The following ZBED6 variants were observed in gnomAD, a reference collection of about 807,000 sequenced individuals.
ZBED6 encodes the protein zinc finger BED-type containing 6, also known as zinc finger BED domain-containing protein 6.
ZBED6 carries 40 observed loss-of-function variants against 58.4 expected under a neutral mutation model. The observed-to-expected ratio is 0.68, with a 90% CI of 0.53 to 0.89. ZBED6 has a LOEUF of 0.89. Among genes scored for constraint, ZBED6 ranks in the 40% least tolerant of loss-of-function variants. The pLI is 0.00. For synonymous variants in ZBED6, 439 were observed against 350.6 expected, an observed-to-expected ratio of 1.25 and a Z score of -2.82; for missense variants, 1,057 against 1,003.9, an observed-to-expected ratio of 1.05 and a Z score of -0.71.
At chr1:203,798,609 C>G in exon 1 of ZBED6, 1 of 1,536,128 alleles carries the variant, frequency 6.5e-7, no homozygotes, top group South Asian at 1.2e-5. Context: ...AGCTGAGGAC[C>G]TTAGTGACTC....
chr1:203,811,814 GTCTTTT>G (rs1674583499), intron 1 of ZBED6, among the ~76,000 whole-genome samples: 1 of 148,294 alleles, frequency 6.7e-6, no homozygotes, highest in African/African-American at 2.5e-5. Context: ...AGATAGCTTT[GTCTTTT>G]TCTTTTTTTT....
chr1:203,833,241 G>C (rs954549068), intron 8 of ZBED6, among the ~76,000 whole-genome samples: 3 of 151,978 alleles, frequency 2.0e-5, no homozygotes, highest in Admixed American at 6.6e-5. Context: ...GGTGGTGCAC[G>C]CCTGTAATCC....
At chr1:203,833,988 A>T (rs1485502723) in intron 9 of ZBED6, 135 bp downstream of exon 9, 3 of 1,374,956 alleles carry the variant, frequency 2.2e-6, no homozygotes, top group African/African-American at 3.0e-5. Flanking sequence ...TAAATTCCTC[A>T]TGTTTTCATG....
chr1:203,813,056 A>G (rs894499686), intron 1 of ZBED6, among the ~76,000 whole-genome samples: 5 of 152,034 alleles, frequency 3.3e-5, no homozygotes, highest in Admixed American at 1.3e-4. Flanking sequence ...AGAGTTATAT[A>G]TTTTGTATAT....
At chr1:203,802,714 C>CTTTTTTTTTTTTTTTTTTTTTTTTTTT (rs150416242) in exon 1 of ZBED6, 1 of 131,660 alleles carries the variant, frequency 7.6e-6, no homozygotes, top group African/African-American at 2.7e-5. Flanking sequence ...TAAATGAACT[C>CTTTTTTTTTTTTTTTTTTTTTTTTTTT]TTTTTTTTTG....
chr1:203,799,240 T>A, exon 1 of ZBED6: 1 of 842,716 alleles, frequency 1.2e-6, no homozygotes, highest in Non-Finnish European at 1.9e-6. Context: ...GTACATGCAA[T>A]CAAAGATGGT....
intron 1 of ZBED6, among the ~76,000 whole-genome samples, chr1:203,804,358 T>C (rs1671519641): frequency 6.6e-6 from 1 of 152,060 alleles, no homozygotes; most frequent in African/African-American, 2.4e-5. Flanking sequence ...TTCACCGTGT[T>C]AGACAGGATG....
chr1:203,826,653 G>T (rs1202212549), intron 3 of ZBED6, among the ~76,000 whole-genome samples: 1 of 152,032 alleles, frequency 6.6e-6, no homozygotes, highest in Non-Finnish European at 1.5e-5. Context: ...AATGGTTATT[G>T]TTTCTCTGTC....
exon 1 of ZBED6, chr1:203,800,864 C>T (rs1221360895): frequency 6.5e-6 from 1 of 154,374 alleles, no homozygotes. Context: ...TGGCATTCCT[C>T]CTGCCCCTGT....
At chr1:203,833,925 CTT>C (rs1347007254) in intron 9 of ZBED6, 72 bp downstream of exon 9, 2 of 1,529,208 alleles carry the variant, frequency 1.3e-6, no homozygotes, top group Non-Finnish European at 1.8e-6. Context: ...TCTCCAAACT[CTT>C]TTTATACAGA....
Position 203,840,472 on chromosome 1 carries a change from A to G in ZBED6, c.*3741+98A>G. On this transcript the variant is annotated intron_variant, in intron 11 of 16. Coordinates refer to ENST00000550078, the Ensembl canonical transcript of ZBED6. ...TACCTGTTGCTTGCTAGGGCTTTTG[A>G]TTTTTGTTCTTTTGTAGTTCTGTTT... The G allele has an allele frequency of 4.0e-6, 5 of 1,243,306 alleles. No homozygotes were observed. The South Asian group carries it at 6.9e-5, about 17-fold the overall frequency. The allele number at this position is 1,243,306 out of a possible 1,614,324, so 77.0% of individuals were successfully genotyped here.
exon 1 of ZBED6, chr1:203,797,133 G>A (rs1668791437): frequency 6.3e-6 from 1 of 157,626 alleles, no homozygotes; most frequent in African/African-American, 2.4e-5. Context: ...GGCATTTCAA[G>A]TAGATATAGT....
chr1:203,810,515 G>A (rs979162383), intron 1 of ZBED6, among the ~76,000 whole-genome samples: 27 of 151,546 alleles, frequency 1.8e-4, no homozygotes, highest in African/African-American at 6.3e-4. Flanking sequence ...CACCTCTGGG[G>A]TTCACACCAT....
Position 203,807,524 on chromosome 1 carries a change from T to A in ZBED6, c.*2554+4508T>A, listed in dbSNP as rs371490160. 7.3e-5 allele frequency among the ~76,000 whole-genome samples: 11 copies of A among 150,868 alleles called. 1 individual carries two copies. The East Asian group carries it at 7.8e-4, about 11-fold the overall frequency. ...ACAAAGTTTTGTTTTGTCTTACTGTTTTTTTTTTGTTGGTTTTTTAGAGAT... is the reference window on the plus strand; with the variant it reads ...ACAAAGTTTTGTTTTGTCTTACTGTATTTTTTTTGTTGGTTTTTTAGAGAT... On this transcript the variant is annotated intron_variant, in intron 1 of 16. Transcript: ENST00000550078.
chr1:203,829,879 C>T, exon 6 of ZBED6: 1 of 1,613,804 alleles, frequency 6.2e-7, no homozygotes, highest in South Asian at 1.1e-5. Context: ...CGGAAACCTG[C>T]AGTCAATATA....
intron 3 of ZBED6, among the ~76,000 whole-genome samples, chr1:203,824,232 T>TA (rs1192976983): frequency 2.0e-5 from 3 of 148,300 alleles, no homozygotes; most frequent in Non-Finnish European, 4.4e-5. Context: ...TACACCACTG[T>TA]ACTCCAGCCT....
rs373829462 is a variant in ZBED6 at position 203,829,723 on chromosome 1, G to A, written c.*3202-57G>A. 28 of 1,611,908 alleles carry A rather than the reference G, an allele frequency of 1.7e-5. No homozygotes were observed. The East Asian group carries it at 2.2e-4, about 13-fold the overall frequency. The stretch of plus-strand genomic sequence containing the variant: ...CTCATAGTGAATTGGGCAGAATCAG[G>A]ATTAAAGCTATAGGCGTATTTTTAA... On this transcript the variant is annotated intron_variant, in intron 5 of 16. Transcript: ENST00000550078.
chr1:203,830,088 C>T (rs560631681), intron 6 of ZBED6, 35 bp from the exon 7 acceptor site: 2 of 1,521,418 alleles, frequency 1.3e-6, no homozygotes, highest in African/African-American at 1.4e-5. Context: ...TGAAAAGGCT[C>T]CCGTTCCTCA....
At position 203,819,087 on chromosome 1, in the gene ZBED6, T is replaced by TACACAC. The variant is rs202070174; in HGVS notation, c.*2873+399_*2873+400insCACACA. On this transcript the variant is annotated intron_variant, in intron 3 of 16. Coordinates refer to ENST00000550078, the Ensembl canonical transcript of ZBED6. ...CGTCTCAAAAAAAAAAATATATATA[T>TACACAC]ATACACACACACACACACACACACA... is the stretch of plus-strand genomic sequence containing the variant. Among the ~76,000 whole-genome samples the TACACAC allele has an allele frequency of 3.5e-3, 146 of 41,462 alleles. 4 individuals are homozygous for TACACAC. In the East Asian group the frequency reaches 0.038, roughly 11 times the overall value. The allele number at this position is 41,462 out of a possible 152,430, so 27.2% of individuals were successfully genotyped here.
Sources: gnomAD v4.1 joint callset for allele counts (sites outside exome capture counted in the v4.1 genomes callset) on GRCh38, gnomAD v4.1.1 for gene constraint, MANE v1.5 for transcripts, NCBI Gene and HGNC (gene_info 2026-07-23, HGNC 2026-07-21) for gene names.